Variants in RPH3A observed in about 807,000 individuals in gnomAD.
RPH3A encodes rabphilin 3A.
RPH3A carries 48 observed loss-of-function variants against 102.2 expected under a neutral mutation model. The observed-to-expected ratio is 0.47, with a 90% CI of 0.37 to 0.60. RPH3A has a LOEUF of 0.60. Ranked by LOEUF, RPH3A falls within the 20% of genes least tolerant of loss-of-function variation. The probability of loss-of-function intolerance (pLI) is 0.00; values close to 1 mark genes in which losing one functional copy is unlikely to be tolerated. For missense variants in RPH3A, 781 were observed against 910.1 expected, an observed-to-expected ratio of 0.86 and a Z score of 1.83; for synonymous variants, 310 against 324.3, an observed-to-expected ratio of 0.96 and a Z score of 0.47.
chr12:112,848,080 G>A (rs886095952), intron 5 of RPH3A, among the ~76,000 whole-genome samples: 6 of 152,302 alleles, frequency 3.9e-5, no homozygotes, highest in African/African-American at 1.4e-4. Context: ...AGATTGGGCT[G>A]CGAGTGAGGA....
intron 19 of RPH3A, chr12:112,892,956 G>A (rs2043124940): frequency 1.3e-5 from 2 of 152,210 alleles, no homozygotes; most frequent in South Asian, 4.1e-4. Context: ...ACAGGTCAGG[G>A]ACAAGTTTGG....
intron 1 of RPH3A, among the ~76,000 whole-genome samples, chr12:112,641,953 G>A (rs2039894237): frequency 6.6e-6 from 1 of 152,080 alleles, no homozygotes; most frequent in Admixed American, 6.6e-5. Context: ...CTATTTTTCA[G>A]GTGAGGCACA....
chr12:112,679,931 G>C (rs990678427), intron 1 of RPH3A, among the ~76,000 whole-genome samples: 25 of 152,260 alleles, frequency 1.6e-4, no homozygotes, highest in African/African-American at 6.0e-4. Context: ...CTGACAGTGA[G>C]TGGCCGGCTT....
intron 13 of RPH3A, 143 bp from the exon 14 acceptor site, chr12:112,878,976 A>C (rs2042856899): frequency 1.4e-6 from 1 of 718,392 alleles, no homozygotes; most frequent in Non-Finnish European, 2.5e-6. Context: ...TACCAAGATG[A>C]GGAACTCACA....
chr12:112,582,311 T>C (rs1483584577), intron 1 of RPH3A, among the ~76,000 whole-genome samples: 1 of 147,388 alleles, frequency 6.8e-6, no homozygotes, highest in Non-Finnish European at 1.5e-5. Flanking sequence ...AGTGGTGCAA[T>C]TGTAGCTCAC....
At chr12:112,594,462 C>A (rs1034907768) in intron 1 of RPH3A, among the ~76,000 whole-genome samples, 4 of 152,172 alleles carry the variant, frequency 2.6e-5, no homozygotes, top group Non-Finnish European at 4.4e-5. Flanking sequence ...AATCATCCAT[C>A]CATCCTTCCA....
chr12:112,673,201 TATTATC>T (rs1290685130), intron 1 of RPH3A, among the ~76,000 whole-genome samples: 2 of 152,140 alleles, frequency 1.3e-5, no homozygotes, highest in African/African-American at 4.8e-5. Context: ...ATTAAAGAAT[TATTATC>T]ACCAAACACT....
chr12:112,870,145 T>A, intron 10 of RPH3A, 106 bp downstream of exon 10: 1 of 1,127,628 alleles, frequency 8.9e-7, no homozygotes, highest in Non-Finnish European at 1.2e-6. Flanking sequence ...ATTTATTGAG[T>A]CCTACTGTGT....
intron 6 of RPH3A, among the ~76,000 whole-genome samples, chr12:112,866,261 C>A (rs896317020): frequency 1.3e-5 from 2 of 152,146 alleles, no homozygotes; most frequent in Non-Finnish European, 2.9e-5. Context: ...AATTTTGTGA[C>A]CCATTAAGTT....
chr12:112,852,415 T>C (rs2042337223), intron 5 of RPH3A, among the ~76,000 whole-genome samples: 1 of 152,218 alleles, frequency 6.6e-6, no homozygotes, highest in Non-Finnish European at 1.5e-5. Context: ...TATCCCATTA[T>C]GTAGAAAGAG....
intron 1 of RPH3A, among the ~76,000 whole-genome samples, chr12:112,713,257 G>A (rs2040493137): frequency 6.6e-6 from 1 of 151,590 alleles, no homozygotes; most frequent in South Asian, 2.1e-4. Flanking sequence ...ATAACCTACT[G>A]CATATAGCCT....
At chr12:112,810,445 G>C (rs16942237) in intron 2 of RPH3A, among the ~76,000 whole-genome samples, 4,472 of 152,258 alleles carry the variant, frequency 0.029, 230 homozygotes, top group African/African-American at 0.1. Flanking sequence ...GCTCGGCCCT[G>C]GTTCGTTATC....
intron 11 of RPH3A, 52 bp downstream of exon 11, chr12:112,875,222 C>A: frequency 2.2e-6 from 3 of 1,383,570 alleles, no homozygotes; most frequent in South Asian, 1.3e-5. Flanking sequence ...TCGGCTGTGA[C>A]CCTCATACCT....
intron 4 of RPH3A, among the ~76,000 whole-genome samples, chr12:112,844,367 GGGGTAGGGA>G (rs1290584210): frequency 6.6e-6 from 1 of 152,174 alleles, no homozygotes; most frequent in African/African-American, 2.4e-5. Context: ...TCTGGTAGCT[GGGGTAGGGA>G]CTCTCTCAAC....
At chr12:112,762,694 T>G (rs2040861858) in intron 1 of RPH3A, among the ~76,000 whole-genome samples, 1 of 152,224 alleles carries the variant, frequency 6.6e-6, no homozygotes, top group Admixed American at 6.5e-5. Context: ...TAGATCAATT[T>G]CCCTTTGTGT....
chr12:112,655,672 GC>G (rs1284324935), intron 1 of RPH3A, among the ~76,000 whole-genome samples: 1 of 140,894 alleles, frequency 7.1e-6, no homozygotes, highest in Admixed American at 7.7e-5. Flanking sequence ...CCAGGTCCCA[GC>G]GATTCTGGTG....
intron 1 of RPH3A, among the ~76,000 whole-genome samples, chr12:112,622,897 CA>C (rs1172195241): frequency 1.5e-5 from 2 of 132,204 alleles, no homozygotes; most frequent in Non-Finnish European, 3.2e-5. Context: ...GAGTGGGGGC[CA>C]ATATTCAACA....
intron 15 of RPH3A, among the ~76,000 whole-genome samples, chr12:112,882,555 C>T (rs904973907): frequency 1.3e-5 from 2 of 152,328 alleles, no homozygotes; most frequent in African/African-American, 4.8e-5. Context: ...GACACATGTA[C>T]GCACCTGTAC....
intron 2 of RPH3A, among the ~76,000 whole-genome samples, chr12:112,810,700 C>A (rs979654835): frequency 2.0e-5 from 3 of 152,162 alleles, no homozygotes; most frequent in African/African-American, 7.2e-5. Context: ...CTTTTCCTCC[C>A]AAATTGGCTA....
Sources: allele counts gnomAD v4.1 joint callset (sites outside exome capture counted in the v4.1 genomes callset), GRCh38; gene constraint gnomAD v4.1.1; transcripts MANE v1.5; gene names NCBI Gene and HGNC (gene_info 2026-07-23, HGNC 2026-07-21).